Variants in CNTNAP5 observed in about 807,000 individuals in gnomAD.
CNTNAP5 encodes contactin-associated protein-like 5.
CNTNAP5 carries 72 observed loss-of-function variants against 150.2 expected under a neutral mutation model. The ratio of observed to expected loss-of-function variants is 0.48; its 90% CI spans 0.40 to 0.58. The LOEUF (loss-of-function observed/expected upper bound fraction) is 0.58. Among genes scored for constraint, CNTNAP5 ranks in the 20% least tolerant of loss-of-function variants. CNTNAP5 has a pLI of 0.00. For synonymous variants in CNTNAP5, 672 were observed against 619.8 expected, an observed-to-expected ratio of 1.08 and a Z score of -1.25; for missense variants, 1,636 against 1,626.2, an observed-to-expected ratio of 1.01 and a Z score of -0.10.
chr2:124,250,204 G>A (rs1687137657), intron 3 of CNTNAP5, among the ~76,000 whole-genome samples: 1 of 152,142 alleles, frequency 6.6e-6, no homozygotes, highest in South Asian at 2.1e-4. Flanking sequence ...ACATGTCAAG[G>A]CAAGGCCTAC....
chr2:124,316,862 G>GGATCT (rs1472781750), intron 3 of CNTNAP5, among the ~76,000 whole-genome samples: 1 of 150,096 alleles, frequency 6.7e-6, no homozygotes, highest in Non-Finnish European at 1.5e-5. Context: ...AAGAAAGAAT[G>GGATCT]GATCTCATAG....
chr2:124,060,884 A>T (rs1051516924), intron 1 of CNTNAP5, among the ~76,000 whole-genome samples: 1 of 152,086 alleles, frequency 6.6e-6, no homozygotes, highest in Admixed American at 6.5e-5. Flanking sequence ...TGTTTTTTTG[A>T]CTGGAAATTT....
intron 12 of CNTNAP5, among the ~76,000 whole-genome samples, chr2:124,640,062 C>G (rs1678058469): frequency 6.6e-6 from 1 of 152,124 alleles, no homozygotes. Context: ...CACCCCTCAT[C>G]CGACCCCTTT....
chr2:124,510,308 T>TATATATCTATATATCTATATATAG (rs1553474669), intron 8 of CNTNAP5, among the ~76,000 whole-genome samples: 1 of 118,964 alleles, frequency 8.4e-6, no homozygotes, highest in East Asian at 2.3e-4. Context: ...TATCTATATA[T>TATATATCTATATATCTATATATAG]ATATCTATAT....
At chr2:124,717,439 A>G (rs1461362366) in intron 13 of CNTNAP5, among the ~76,000 whole-genome samples, 1 of 152,254 alleles carries the variant, frequency 6.6e-6, no homozygotes, top group East Asian at 1.9e-4. Context: ...GAGGCATTCA[A>G]TAAATATTGG....
At chr2:124,310,683 C>T (rs773339358) in intron 3 of CNTNAP5, among the ~76,000 whole-genome samples, 7 of 151,836 alleles carry the variant, frequency 4.6e-5, no homozygotes, top group Non-Finnish European at 8.8e-5. Flanking sequence ...TCAAAGGCCC[C>T]GTGGGATTTA....
chr2:124,396,872 C>G (rs1691260961), intron 3 of CNTNAP5, among the ~76,000 whole-genome samples: 5 of 152,266 alleles, frequency 3.3e-5, no homozygotes, highest in Middle Eastern at 6.8e-3. Flanking sequence ...TGTTAGAATA[C>G]AGGTCCCCCA....
intron 13 of CNTNAP5, among the ~76,000 whole-genome samples, chr2:124,649,825 A>G (rs1678282169): frequency 1.3e-5 from 2 of 152,210 alleles, no homozygotes; most frequent in Admixed American, 1.3e-4. Context: ...TGCCTGGTAC[A>G]TAATAGGTAT....
In CNTNAP5 at chr2:124,742,625, GACAC is replaced by G. The variant is rs3042996; in HGVS notation, c.2078-4580_2078-4577del. 2.2e-3 allele frequency among the ~76,000 whole-genome samples: 322 copies of G among 148,160 alleles called. 1 individual carries two copies. The highest frequency in any genetic ancestry group is 5.0e-3 in the African/African-American group (201 of 40,138). ...ATATATTAAACATATTACACGCACA[GACAC>G]ACACACACACACACACACACACATA... On this transcript the variant is annotated intron_variant, in intron 13 of 23. Coordinates refer to ENST00000682447, the MANE Select transcript of CNTNAP5 (RefSeq NM_001367498.1).
chr2:124,041,723 A>G (rs1028747688), intron 1 of CNTNAP5, among the ~76,000 whole-genome samples: 8 of 152,162 alleles, frequency 5.3e-5, no homozygotes, highest in African/African-American at 1.7e-4. Flanking sequence ...AACATTCTAC[A>G]ACACACATTG....
intron 4 of CNTNAP5, among the ~76,000 whole-genome samples, chr2:124,419,833 G>T (rs1692036242): frequency 6.6e-6 from 1 of 151,942 alleles, no homozygotes; most frequent in African/African-American, 2.4e-5. Context: ...CAATGGGTTA[G>T]CATGCCTTCT....
At position 124,574,180 on chromosome 2, in the gene CNTNAP5, C is replaced by T. The variant is rs60438737; in HGVS notation, c.1756+10857C>T. Among the ~76,000 whole-genome samples the T allele has an allele frequency of 2.7e-3, 404 of 152,180 alleles. 13 individuals carry two copies. The East Asian group carries it at 0.059, about 22-fold the overall frequency. ...AGGCAAAACGTCACCAGTAGAACCC[C>T]GGTGGCAGGTTGCGGGGGGGACGGG... On this transcript the variant is annotated intron_variant, in intron 11 of 23. Coordinates refer to ENST00000682447, the MANE Select transcript of CNTNAP5 (RefSeq NM_001367498.1).
intron 13 of CNTNAP5, among the ~76,000 whole-genome samples, chr2:124,707,158 A>AGAAGAAGAAGAAGAAGAG (rs1679701327): frequency 9.6e-6 from 1 of 104,306 alleles, no homozygotes; most frequent in Non-Finnish European, 2.1e-5. Context: ...AAGAAGAAGA[A>AGAAGAAGAAGAAGAAGAG]GAAGAAGAAG....
At chr2:124,194,509 C>A (rs1685538030) in intron 1 of CNTNAP5, among the ~76,000 whole-genome samples, 1 of 149,924 alleles carries the variant, frequency 6.7e-6, no homozygotes, top group Non-Finnish European at 1.5e-5. Context: ...ATTTACTGGT[C>A]ATCTGTGTGC....
rs774929892 is a variant in CNTNAP5 at position 124,584,827 on chromosome 2, A to C, written c.1756+21504A>C. ...TAGTTGAAACCAGTTTTGAACACTT[A>C]TGACCACAATATAACTGTTTTATGA... On this transcript the variant is annotated intron_variant, in intron 11 of 23. Transcript: ENST00000682447. 2.3e-4 allele frequency among the ~76,000 whole-genome samples: 35 copies of C among 152,214 alleles called. 1 individual carries two copies. Among genetic ancestry groups the C allele is most frequent in the South Asian group, 8.3e-4 (4 of 4,830 alleles).
At chr2:124,255,691 C>T (rs902582875) in intron 3 of CNTNAP5, among the ~76,000 whole-genome samples, 2 of 151,822 alleles carry the variant, frequency 1.3e-5, no homozygotes, top group African/African-American at 2.4e-5. Flanking sequence ...TTTGGGGAAA[C>T]TTAAAAAATC....
Position 124,134,273 on chromosome 2 carries a change from C to T in CNTNAP5, c.83-87432C>T, listed in dbSNP as rs141968855. 2.8e-3 allele frequency among the ~76,000 whole-genome samples: 426 copies of T among 151,078 alleles called. 3 individuals carry two copies. Among genetic ancestry groups the T allele is most frequent in the African/African-American group, 9.7e-3 (399 of 41,112 alleles). ...CCTGGAGTAAAAGAAAAGAAAATTA[C>T]AAGAACGATGAAACTGTGTATATTA... On this transcript the variant is annotated intron_variant, in intron 1 of 23. Transcript: ENST00000682447.
At chr2:124,361,903 C>T (rs1180702109) in intron 3 of CNTNAP5, among the ~76,000 whole-genome samples, 1 of 151,886 alleles carries the variant, frequency 6.6e-6, no homozygotes, top group African/African-American at 2.4e-5. Flanking sequence ...CGCCCCTCCC[C>T]CAGCCTCGCT....
intron 19 of CNTNAP5, among the ~76,000 whole-genome samples, chr2:124,827,672 G>T (rs1682624973): frequency 6.6e-6 from 1 of 152,076 alleles, no homozygotes; most frequent in African/African-American, 2.4e-5. Context: ...AATACTACTA[G>T]TTCAGTGTTT....
Sources: gnomAD v4.1 joint callset for allele counts (sites outside exome capture counted in the v4.1 genomes callset) on GRCh38, gnomAD v4.1.1 for gene constraint, MANE v1.5 for transcripts, NCBI Gene and HGNC (gene_info 2026-07-23, HGNC 2026-07-21) for gene names.